TLE1: variants seen among roughly 807,000 people sequenced by gnomAD.
TLE1 encodes TLE family member 1, transcriptional corepressor, also known as transducin-like enhancer protein 1.
A neutral mutation model predicts 89.8 loss-of-function variants in TLE1; 21 were observed. That is an observed-to-expected ratio of 0.23 (90% CI 0.17 to 0.34). The LOEUF is 0.34. Ranked by LOEUF, TLE1 falls within the 10% of genes least tolerant of loss-of-function variation. TLE1 has a pLI of 1.00. For missense variants in TLE1, 795 were observed against 1,031.2 expected, an observed-to-expected ratio of 0.77 and a Z score of 3.14; for synonymous variants, 447 against 407.6, an observed-to-expected ratio of 1.10 and a Z score of -1.16.
At chr9:81,670,067 C>T (rs1180822653) in intron 4 of TLE1, among the ~76,000 whole-genome samples, 1 of 152,170 alleles carries the variant, frequency 6.6e-6, no homozygotes, top group East Asian at 1.9e-4. Context: ...CGTTGGCCAA[C>T]CCTGCAAATC....
At chr9:81,586,306 C>T (rs11139333) in intron 17 of TLE1, among the ~76,000 whole-genome samples, 13,418 of 152,206 alleles carry the variant, frequency 0.088, 794 homozygotes, top group Middle Eastern at 0.13. Context: ...CGTGAGCCTC[C>T]GTGCCTGGCC....
At chr9:81,647,790 C>T (rs1417597647) in intron 6 of TLE1, among the ~76,000 whole-genome samples, 1 of 152,208 alleles carries the variant, frequency 6.6e-6, no homozygotes, top group African/African-American at 2.4e-5. Flanking sequence ...CCAAGTCCAT[C>T]TGATCCCAAG....
At chr9:81,587,599 G>A (rs1360148816) in intron 17 of TLE1, 82 bp downstream of exon 17, 1 of 1,470,584 alleles carries the variant, frequency 6.8e-7, no homozygotes, top group African/African-American at 1.4e-5. Flanking sequence ...CCATCCTAGG[G>A]TAAAGGAGGG....
At chr9:81,650,125 T>A (rs987246211) in intron 6 of TLE1, among the ~76,000 whole-genome samples, 13 of 152,182 alleles carry the variant, frequency 8.5e-5, no homozygotes, top group Non-Finnish European at 1.5e-4. Context: ...TATAATAACC[T>A]CCACAACATT....
intron 11 of TLE1, among the ~76,000 whole-genome samples, chr9:81,615,174 T>C (rs1227151391): frequency 8.0e-5 from 11 of 137,516 alleles, no homozygotes; most frequent in South Asian, 7.3e-4. Flanking sequence ...CTCTCTAATG[T>C]ATGGTGGTAC....
intron 8 of TLE1, among the ~76,000 whole-genome samples, chr9:81,621,604 G>C (rs1196406829): frequency 6.6e-6 from 1 of 152,192 alleles, no homozygotes; most frequent in Non-Finnish European, 1.5e-5. Context: ...GGGGCTGGGG[G>C]ATACCTTTAA....
At chr9:81,687,548 G>GA (rs926164726) in intron 1 of TLE1, 114 bp from the exon 2 acceptor site, 4 of 748,914 alleles carry the variant, frequency 5.3e-6, no homozygotes, top group Non-Finnish European at 8.8e-6. Flanking sequence ...AGAAGTGGCT[G>GA]AAAACGAGGC....
Position 81,632,496 on chromosome 9 carries a change from T to TTA in TLE1, c.594+851_594+852insTA, listed in dbSNP as rs1554681252. Among the ~76,000 whole-genome samples, 23 of 149,392 alleles carry TTA rather than the reference T, an allele frequency of 1.5e-4. 1 individual carries two copies. Among genetic ancestry groups the TTA allele is most frequent in the Non-Finnish European group, 2.8e-4 (19 of 67,466 alleles). On this transcript the variant is annotated intron_variant, in intron 8 of 19. Coordinates refer to ENST00000376499, the MANE Select transcript of TLE1 (RefSeq NM_005077.5). The stretch of plus-strand genomic sequence containing the variant: ...ATCCCTTTTTTTTTTTTTTTTTTTT[T>TTA]ACCATATTAAACACAGTCAAAATAC...
intron 6 of TLE1, among the ~76,000 whole-genome samples, chr9:81,647,105 C>T (rs1375674918): frequency 6.6e-6 from 1 of 152,070 alleles, no homozygotes; most frequent in East Asian, 1.9e-4. Flanking sequence ...AGTTCACAGG[C>T]ATTACTATGG....
At chr9:81,676,287 C>A (rs1832898409) in intron 4 of TLE1, among the ~76,000 whole-genome samples, 1 of 152,122 alleles carries the variant, frequency 6.6e-6, no homozygotes, top group South Asian at 2.1e-4. Flanking sequence ...AAGTCCCTAA[C>A]TCAGCTTCAA....
At chr9:81,634,922 T>C (rs1827180516) in intron 6 of TLE1, among the ~76,000 whole-genome samples, 1 of 152,180 alleles carries the variant, frequency 6.6e-6, no homozygotes, top group Non-Finnish European at 1.5e-5. Flanking sequence ...GACCCAGTAA[T>C]CTGGGTGGGT....
intron 6 of TLE1, among the ~76,000 whole-genome samples, chr9:81,650,331 C>G (rs1241460289): frequency 6.6e-6 from 1 of 152,202 alleles, no homozygotes; most frequent in Non-Finnish European, 1.5e-5. Context: ...ATTTAAACGT[C>G]AGAGTTTTGC....
At chr9:81,686,480 C>CA (rs1834296091) in intron 2 of TLE1, among the ~76,000 whole-genome samples, 1 of 152,164 alleles carries the variant, frequency 6.6e-6, no homozygotes, top group Non-Finnish European at 1.5e-5. Flanking sequence ...ATATTATCTA[C>CA]AAGTAGACAA....
At position 81,685,890 on chromosome 9, in the gene TLE1, T is replaced by C. The variant is rs1221010150; in HGVS notation, c.132A>G (p.Lys44=). 6.2e-7 allele frequency: 1 copy of C among 1,613,124 alleles called. No individual in the cohort carries two copies. ...QFLQAQYHSL[K]LECEKLASEK... is the part of the protein sequence containing the mutation. Reference sequence around the variant, plus strand: ...CACTTGCCAGTTTCTCACATTCCAATTTAAGGCTAGGAAAACAAAACAGGC... The same window carrying C: ...CACTTGCCAGTTTCTCACATTCCAACTTAAGGCTAGGAAAACAAAACAGGC... Residue 44 remains lysine, a synonymous_variant, in exon 3 of 20, where the codon AAA becomes AAG. Transcript: ENST00000376499.
At chr9:81,653,095 GT>G (rs1469343290) in intron 5 of TLE1, among the ~76,000 whole-genome samples, 7 of 152,164 alleles carry the variant, frequency 4.6e-5, no homozygotes, top group Non-Finnish European at 7.3e-5. Context: ...GATCACTAAA[GT>G]CTAACAACTA....
At chr9:81,612,175 A>C in intron 12 of TLE1, 1 of 661,956 alleles carries the variant, frequency 1.5e-6, no homozygotes, top group Non-Finnish European at 2.1e-6. Context: ...CAGGGGAAGC[A>C]CAACCCACAC....
chr9:81,635,502 CCCCTGTA>C, intron 6 of TLE1, among the ~76,000 whole-genome samples: 1 of 152,138 alleles, frequency 6.6e-6, no homozygotes, highest in Non-Finnish European at 1.5e-5. Context: ...CAAGAAATGG[CCCCTGTA>C]CCATGAATCT....
At chr9:81,642,872 T>C (rs1387924754) in intron 6 of TLE1, among the ~76,000 whole-genome samples, 1 of 152,176 alleles carries the variant, frequency 6.6e-6, no homozygotes, top group African/African-American at 2.4e-5. Flanking sequence ...GTGGTACCTA[T>C]AAACACAATG....
At chr9:81,674,516 CACG>C (rs921095113) in intron 4 of TLE1, among the ~76,000 whole-genome samples, 1 of 152,210 alleles carries the variant, frequency 6.6e-6, no homozygotes, top group African/African-American at 2.4e-5. Context: ...AAATCTCCAT[CACG>C]ACAATTCCAT....
Sources: allele counts gnomAD v4.1 joint callset (sites outside exome capture counted in the v4.1 genomes callset), GRCh38; gene constraint gnomAD v4.1.1; transcripts MANE v1.5; gene names NCBI Gene and HGNC (gene_info 2026-07-23, HGNC 2026-07-21).